The following CTNNA3 variants were observed in gnomAD, a reference collection of about 807,000 sequenced individuals.
CTNNA3 encodes catenin alpha-3.
Under a neutral mutation model 95.7 loss-of-function variants are expected in CTNNA3, and 76 were observed. The observed-to-expected ratio is 0.79, with a 90% confidence interval of 0.66 to 0.96. The LOEUF is 0.96. Ranked by LOEUF, CTNNA3 falls within the 40% of genes least tolerant of loss-of-function variation. The pLI, the probability that CTNNA3 is intolerant of heterozygous loss-of-function variation, is 0.00. For synonymous variants in CTNNA3, 431 were observed against 374.4 expected, an observed-to-expected ratio of 1.15 and a Z score of -1.74; for missense variants, 1,191 against 1,089.8, an observed-to-expected ratio of 1.09 and a Z score of -1.31.
intron 5 of CTNNA3, among the ~76,000 whole-genome samples, chr10:67,258,577 T>C (rs1866454836): frequency 6.6e-6 from 1 of 152,218 alleles, no homozygotes; most frequent in Non-Finnish European, 1.5e-5. Context: ...AAAATTTTAT[T>C]TTATTGTAGT....
intron 2 of CTNNA3, among the ~76,000 whole-genome samples, chr10:67,615,856 T>C (rs1004145212): frequency 4.6e-5 from 7 of 151,792 alleles, no homozygotes; most frequent in Admixed American, 2.6e-4. Flanking sequence ...AGAGATGGGG[T>C]TTCACCCATG....
At chr10:66,825,264 T>C (rs992846087) in intron 7 of CTNNA3, among the ~76,000 whole-genome samples, 1 of 144,448 alleles carries the variant, frequency 6.9e-6, no homozygotes, top group Non-Finnish European at 1.5e-5. Flanking sequence ...TAAAAATGTA[T>C]ATATACATAT....
chr10:66,033,454 G>T (rs1238178542), intron 15 of CTNNA3, among the ~76,000 whole-genome samples: 2 of 151,896 alleles, frequency 1.3e-5, no homozygotes, highest in African/African-American at 2.4e-5. Flanking sequence ...GTTTAATCTG[G>T]ATTCTAAACC....
At chr10:67,057,624 A>G (rs1855518058) in intron 7 of CTNNA3, among the ~76,000 whole-genome samples, 1 of 152,118 alleles carries the variant, frequency 6.6e-6, no homozygotes, top group East Asian at 1.9e-4. Flanking sequence ...GAGAATACTG[A>G]CCCAGCAACA....
intron 12 of CTNNA3, among the ~76,000 whole-genome samples, chr10:66,324,567 C>T (rs2092230628): frequency 6.6e-6 from 1 of 152,140 alleles, no homozygotes; most frequent in African/African-American, 2.4e-5. Flanking sequence ...ACCACAGGGC[C>T]AGAGCCCAAA....
At chr10:66,361,920 A>T (rs2092679095) in intron 12 of CTNNA3, among the ~76,000 whole-genome samples, 1 of 151,892 alleles carries the variant, frequency 6.6e-6, no homozygotes, top group South Asian at 2.1e-4. Context: ...TTCTTTAATG[A>T]AGTGTTAAAT....
intron 7 of CTNNA3, among the ~76,000 whole-genome samples, chr10:67,038,674 T>G (rs116838787): frequency 0.012 from 1,837 of 152,174 alleles, 47 homozygotes; most frequent in African/African-American, 0.042. Context: ...CTTACAAAAT[T>G]TTCCTATCAA....
chr10:66,915,937 T>C (rs1846470885), intron 7 of CTNNA3, among the ~76,000 whole-genome samples: 1 of 151,868 alleles, frequency 6.6e-6, no homozygotes, highest in African/African-American at 2.4e-5. Flanking sequence ...TTAGTAGAGA[T>C]GGGATTTCAC....
intron 16 of CTNNA3, among the ~76,000 whole-genome samples, chr10:65,983,565 A>C (rs2078366689): frequency 6.6e-6 from 1 of 151,434 alleles, no homozygotes; most frequent in Non-Finnish European, 1.5e-5. Flanking sequence ...CACAAGCAAA[A>C]TTTTTAAGAA....
At chr10:65,960,609 T>C (rs191047936) in intron 17 of CTNNA3, among the ~76,000 whole-genome samples, 3 of 152,308 alleles carry the variant, frequency 2.0e-5, no homozygotes, top group East Asian at 3.9e-4. Context: ...GGGCTTCTAT[T>C]AATTTCATCT....
intron 13 of CTNNA3, among the ~76,000 whole-genome samples, chr10:66,235,713 C>T (rs769622955): frequency 5.9e-5 from 9 of 151,840 alleles, no homozygotes; most frequent in Middle Eastern, 3.2e-3. Flanking sequence ...TGAACATATC[C>T]GATATTGGAG....
intron 7 of CTNNA3, among the ~76,000 whole-genome samples, chr10:66,922,359 T>G (rs2132604744): frequency 6.6e-6 from 1 of 152,320 alleles, no homozygotes; most frequent in South Asian, 2.1e-4. Context: ...GAGAAAAAAC[T>G]TTTAAAAAGT....
At chr10:66,963,361 A>G (rs1001729841) in intron 7 of CTNNA3, among the ~76,000 whole-genome samples, 1 of 152,210 alleles carries the variant, frequency 6.6e-6, no homozygotes, top group African/African-American at 2.4e-5. Flanking sequence ...ATTTGCTTGT[A>G]GTATGGAAAA....
intron 6 of CTNNA3, among the ~76,000 whole-genome samples, chr10:67,217,821 C>T (rs553743836): frequency 6.2e-5 from 9 of 144,660 alleles, no homozygotes; most frequent in South Asian, 2.4e-4. Context: ...ACAGGTTGAG[C>T]GTTGCTAATC....
chr10:67,289,741 A>G (rs552832785), intron 5 of CTNNA3, among the ~76,000 whole-genome samples: 9 of 151,482 alleles, frequency 5.9e-5, no homozygotes, highest in Non-Finnish European at 8.8e-5. Flanking sequence ...CATGGATCCA[A>G]CAAAGGAAGG....
intron 16 of CTNNA3, among the ~76,000 whole-genome samples, chr10:65,975,800 A>G (rs1220265258): frequency 1.3e-5 from 2 of 152,118 alleles, no homozygotes; most frequent in Non-Finnish European, 2.9e-5. Flanking sequence ...TGTTTCATTC[A>G]CATGCATACA....
intron 6 of CTNNA3, among the ~76,000 whole-genome samples, chr10:67,204,803 A>T (rs1863817937): frequency 2.0e-5 from 3 of 151,472 alleles, no homozygotes; most frequent in African/African-American, 7.3e-5. Context: ...TCTCCTTGAA[A>T]ATTCAGAGGC....
intron 9 of CTNNA3, among the ~76,000 whole-genome samples, chr10:66,645,914 A>C (rs541104715): frequency 6.6e-6 from 1 of 152,166 alleles, no homozygotes; most frequent in South Asian, 2.1e-4. Context: ...CCATTGATCT[A>C]TGTGTCTATG....
chr10:66,838,777 C>T (rs1049520964), intron 7 of CTNNA3, among the ~76,000 whole-genome samples: 3 of 152,164 alleles, frequency 2.0e-5, no homozygotes, highest in African/African-American at 7.2e-5. Context: ...TGTAGAAGCA[C>T]TAAGACTTCG....
Sources: gnomAD v4.1 joint callset for allele counts (sites outside exome capture counted in the v4.1 genomes callset) on GRCh38, gnomAD v4.1.1 for gene constraint, MANE v1.5 for transcripts, NCBI Gene and HGNC (gene_info 2026-07-23, HGNC 2026-07-21) for gene names.